Variants in KIF26B observed in about 807,000 individuals in gnomAD.
KIF26B encodes the protein kinesin family member 26B.
Under a neutral mutation model 151.2 loss-of-function variants are expected in KIF26B, and 63 were observed. The ratio of observed to expected loss-of-function variants is 0.42; its 90% confidence interval spans 0.34 to 0.51. The LOEUF is 0.51. Ranked by LOEUF, KIF26B falls within the 20% of genes least tolerant of loss-of-function variation. The probability of loss-of-function intolerance (pLI) is 0.07; values close to 1 mark genes in which losing one functional copy is unlikely to be tolerated. For synonymous variants in KIF26B, 1,357 were observed against 1,262.1 expected (o/e 1.08, Z -1.59); for missense variants, 2,813 against 2,913.6 (o/e 0.97, Z 0.79).
chr1:245,378,282 TAA>T (rs1187885238), intron 3 of KIF26B, among the ~76,000 whole-genome samples: 156 of 149,440 alleles, frequency 1.0e-3, no homozygotes, highest in African/African-American at 3.8e-3. Flanking sequence ...TAGTTACTAG[TAA>T]TAGTTACTTA....
chr1:245,399,925 A>T (rs1436354451), intron 3 of KIF26B, among the ~76,000 whole-genome samples: 2 of 152,004 alleles, frequency 1.3e-5, no homozygotes, highest in Non-Finnish European at 2.9e-5. Flanking sequence ...AGTTTACTTT[A>T]AAAAAAATCA....
At chr1:245,384,499 G>A (rs190897908) in intron 3 of KIF26B, among the ~76,000 whole-genome samples, 30 of 152,222 alleles carry the variant, frequency 2.0e-4, no homozygotes, top group African/African-American at 7.0e-4. Flanking sequence ...ACAGCTCATC[G>A]CAGTCTCAAA....
At chr1:245,368,419 A>G (rs1183023434) in intron 3 of KIF26B, among the ~76,000 whole-genome samples, 2 of 152,148 alleles carry the variant, frequency 1.3e-5, no homozygotes, top group African/African-American at 4.8e-5. Context: ...ATTGACCGTC[A>G]CTGGAATGGA....
At chr1:245,523,298 C>A (rs183727616) in intron 4 of KIF26B, among the ~76,000 whole-genome samples, 61 of 152,236 alleles carry the variant, frequency 4.0e-4, no homozygotes, top group Middle Eastern at 3.4e-3. Context: ...TCAATTTACA[C>A]AATTCTTTTC....
chr1:245,284,269 A>T (rs1024789765), intron 2 of KIF26B, among the ~76,000 whole-genome samples: 20 of 152,180 alleles, frequency 1.3e-4, no homozygotes, highest in African/African-American at 4.8e-4. Context: ...GTGTTGATTT[A>T]GCTACAGTAA....
At chr1:245,670,397 G>A (rs1558261410) in intron 10 of KIF26B, among the ~76,000 whole-genome samples, 1 of 151,484 alleles carries the variant, frequency 6.6e-6, no homozygotes, top group Non-Finnish European at 1.5e-5. Flanking sequence ...AAATAAAGCT[G>A]TGTAAGTTTA....
At chr1:245,234,120 G>A (rs1004741512) in intron 2 of KIF26B, among the ~76,000 whole-genome samples, 47 of 151,918 alleles carry the variant, frequency 3.1e-4, no homozygotes, top group African/African-American at 1.1e-3. Flanking sequence ...GGAGGTGGAG[G>A]TTGCAGTGAG....
intron 4 of KIF26B, among the ~76,000 whole-genome samples, chr1:245,526,415 G>A (rs776217773): frequency 6.6e-6 from 1 of 152,222 alleles, no homozygotes; most frequent in African/African-American, 2.4e-5. Context: ...CAGAAATTCT[G>A]CCCGACTTCT....
intron 12 of KIF26B, among the ~76,000 whole-genome samples, chr1:245,697,819 C>A (rs1327264865): frequency 6.6e-6 from 1 of 152,062 alleles, no homozygotes; most frequent in African/African-American, 2.4e-5. Flanking sequence ...GTGGGAGGAT[C>A]ACTTGAGGCC....
At chr1:245,676,985 C>A (rs536706408) in intron 10 of KIF26B, among the ~76,000 whole-genome samples, 1 of 152,226 alleles carries the variant, frequency 6.6e-6, no homozygotes, top group Admixed American at 6.5e-5. Context: ...GTCTCTCCCA[C>A]GCATTATCCT....
At chr1:245,683,154 G>C (rs1296211379) in intron 10 of KIF26B, among the ~76,000 whole-genome samples, 1 of 152,202 alleles carries the variant, frequency 6.6e-6, no homozygotes, top group Non-Finnish European at 1.5e-5. Flanking sequence ...TGCTGACAGT[G>C]GCCTGAGTCT....
intron 2 of KIF26B, among the ~76,000 whole-genome samples, chr1:245,255,329 G>A (rs1346620511): frequency 2.6e-5 from 4 of 152,120 alleles, no homozygotes; most frequent in African/African-American, 7.2e-5. Flanking sequence ...TCTCTCCACC[G>A]GCCAAAATCA....
rs1190070565 is a variant in KIF26B at position 245,218,157 on chromosome 1, G to T, written c.465+61474G>T. ...GCCAGAGGCCATGGTGGGGGCCCCA[G>T]AACTCAGGCTGGGAATCCCAGGGGC... On this transcript the variant is annotated intron_variant, in intron 2 of 14. Coordinates refer to ENST00000407071, the MANE Select transcript of KIF26B (RefSeq NM_018012.4). The surrounding 1 kb of genome is among the most constrained non-coding windows in gnomAD (Gnocchi z 4.1). 1.3e-5 allele frequency among the ~76,000 whole-genome samples: 2 copies of T among 152,230 alleles called. No homozygotes were observed. The highest frequency in any genetic ancestry group is 2.9e-5 in the Non-Finnish European group (2 of 68,032).
At chr1:245,571,655 G>T (rs1325816983) in intron 5 of KIF26B, among the ~76,000 whole-genome samples, 1 of 152,220 alleles carries the variant, frequency 6.6e-6, no homozygotes, top group African/African-American at 2.4e-5. Flanking sequence ...TAGCTCAGGA[G>T]GGGAGTCATC....
chr1:245,579,034 G>GA (rs139050260), intron 5 of KIF26B, among the ~76,000 whole-genome samples: 10,058 of 151,948 alleles, frequency 0.066, 517 homozygotes, highest in East Asian at 0.2. Flanking sequence ...ATTGCTTTAG[G>GA]GAAAAAAAGT....
chr1:245,535,297 A>G (rs1488540429), intron 4 of KIF26B, among the ~76,000 whole-genome samples: 2 of 152,238 alleles, frequency 1.3e-5, no homozygotes, highest in African/African-American at 2.4e-5. Flanking sequence ...AAATGCTATT[A>G]TAGAATCTAT....
intron 4 of KIF26B, among the ~76,000 whole-genome samples, chr1:245,532,393 C>A (rs1298370842): frequency 2.0e-5 from 3 of 151,566 alleles, no homozygotes; most frequent in Non-Finnish European, 2.9e-5. Flanking sequence ...CTACAGGCGC[C>A]CGCCACCATG....
In KIF26B at chr1:245,156,348, G is replaced by C; in HGVS notation, c.130G>C (p.Ala44Pro). The C allele has an allele frequency of 1.3e-6, 2 of 1,546,318 alleles. No individual in the cohort carries two copies. Among genetic ancestry groups the C allele is most frequent in the East Asian group, 5.0e-5 (2 of 40,392 alleles). ...PFSPESWYRK[A>P]YEESRAGSRP... ...CTCCCCGGAAAGCTGGTACCGGAAA[G>C]CATACGAGGAGTCGCGCGCCGGCAG... Residue 44 changes from alanine (A) to proline (P), a missense_variant, in exon 2 of 15, where the codon GCA becomes CCA. Physicochemically the swap from Ala to Pro is conservative, Grantham distance 27. Around this residue, in one of 3 missense-constraint regions of KIF26B, gnomAD observed 676 missense variants for 688.1 expected, o/e 0.98. Transcript: ENST00000407071.
At chr1:245,165,039 C>G (rs1668592545) in intron 2 of KIF26B, among the ~76,000 whole-genome samples, 1 of 150,812 alleles carries the variant, frequency 6.6e-6, no homozygotes, top group South Asian at 2.1e-4. Flanking sequence ...CCACTGCACT[C>G]CAGCGTGGGT....
Sources: allele counts gnomAD v4.1 joint callset (sites outside exome capture counted in the v4.1 genomes callset), GRCh38; gene constraint gnomAD v4.1.1; regional missense constraint gnomAD v4.1.1; non-coding constraint Gnocchi (gnomAD v3.1); transcripts MANE v1.5; gene names NCBI Gene and HGNC (gene_info 2026-07-23, HGNC 2026-07-21).